The following PTGES variants were observed in gnomAD, a reference collection of about 807,000 sequenced individuals.
PTGES encodes the protein MGST1-like 1.
In PTGES, 3 loss-of-function variants were observed where a neutral mutation model predicts 11.8. That is an observed-to-expected ratio of 0.25 (90% CI 0.12 to 0.66). The LOEUF is 0.66. Ranked by LOEUF, PTGES falls within the 30% of genes least tolerant of loss-of-function variation. PTGES has a pLI of 0.82. For missense variants in PTGES, 180 were observed against 213.0 expected (o/e 0.85, Z 0.96); for synonymous variants, 94 against 90.4 (o/e 1.04, Z -0.22).
intron 2 of PTGES, among the ~76,000 whole-genome samples, chr9:129,740,499 G>C (rs188951194): frequency 6.6e-6 from 1 of 152,090 alleles, no homozygotes; most frequent in Non-Finnish European, 1.5e-5. Context: ...AACAAGATCC[G>C]CTCCCACTCA....
rs1375063698 is a variant in PTGES at position 129,739,530 on chromosome 9, G to A, written c.*81C>T. 36 of 1,484,436 alleles carry A rather than the reference G, an allele frequency of 2.4e-5. No homozygotes were observed. The highest frequency in any genetic ancestry group is 3.1e-5 in the Non-Finnish European group (35 of 1,115,724). The allele number at this position is 1,484,436 out of a possible 1,614,324, so 92.0% of individuals were successfully genotyped here. A position where few individuals can be genotyped will look rare whatever the true frequency, so the allele number is the denominator to read the frequency against. On this transcript the variant is annotated 3_prime_UTR_variant, in exon 3 of 3. Transcript: ENST00000340607. This position sits in a 1 kb window ranked among gnomAD's most constrained non-coding sequence, Gnocchi z 5.7. ...CAGGACTCAGGGCCCACCACAATCT[G>A]GAAGGAACATCAAGTCCCCAGGTAT...
At chr9:129,746,037 A>AT (rs1049554230) in intron 2 of PTGES, among the ~76,000 whole-genome samples, 18 of 151,288 alleles carry the variant, frequency 1.2e-4, no homozygotes, top group African/African-American at 3.6e-4. Context: ...TCTGTCTCAA[A>AT]AAAAAAAAAA....
intron 2 of PTGES, among the ~76,000 whole-genome samples, chr9:129,744,228 A>G (rs1833028644): frequency 6.6e-6 from 1 of 152,116 alleles, no homozygotes; most frequent in South Asian, 2.1e-4. Context: ...GCTAAAGCTC[A>G]CTTCACCCTC....
At chr9:129,742,829 G>A (rs942918944) in intron 2 of PTGES, among the ~76,000 whole-genome samples, 13 of 151,482 alleles carry the variant, frequency 8.6e-5, no homozygotes, top group East Asian at 3.9e-4. Context: ...CCAACATCGC[G>A]CCACTGCACT....
chr9:129,739,436 A>ACATACG lies in PTGES; in HGVS notation c.*174_*175insCGTATG, dbSNP rs1832970735. 5 of 853,594 alleles carry ACATACG rather than the reference A, an allele frequency of 5.9e-6. No homozygotes were observed. In the African/African-American group the frequency reaches 8.6e-5, roughly 15 times the overall value. 52.9% of individuals were successfully genotyped at this position (853,594 alleles called of 1,614,324 possible). A position where few individuals can be genotyped will look rare whatever the true frequency, so the allele number is the denominator to read the frequency against. On this transcript the variant is annotated 3_prime_UTR_variant, in exon 3 of 3. Transcript: ENST00000340607. This position sits in a 1 kb window ranked among gnomAD's most constrained non-coding sequence, Gnocchi z 5.7. ...CTAAGAAACATACACACACACATACACACACACGGGCACACACACAGGCCC... is the reference window on the plus strand; with the variant it reads ...CTAAGAAACATACACACACACATACACATACGCACACACGGGCACACACACAGGCCC...
intron 2 of PTGES, among the ~76,000 whole-genome samples, chr9:129,746,127 T>G (rs1001662274): frequency 3.3e-5 from 5 of 151,578 alleles, no homozygotes; most frequent in Admixed American, 6.6e-5. Context: ...CCAGTAAAAA[T>G]AAACCAAGTA....
At chr9:129,740,580 G>T (rs1160339914) in intron 2 of PTGES, among the ~76,000 whole-genome samples, 1 of 152,160 alleles carries the variant, frequency 6.6e-6, no homozygotes, top group Non-Finnish European at 1.5e-5. Context: ...CTCTTTTTCT[G>T]TTGAAAGGAA....
rs200024254 is a variant in PTGES at position 129,738,420 on chromosome 9, C to T, written c.*1191G>A. 2.4e-5 allele frequency: 3 copies of T among 122,796 alleles called. No homozygotes were observed. Among genetic ancestry groups the T allele is most frequent in the Non-Finnish European group, 5.1e-5 (3 of 58,778 alleles). The allele number at this position is 122,796 out of a possible 1,614,324, so 7.6% of individuals were successfully genotyped here. A position where few individuals can be genotyped will look rare whatever the true frequency, so the allele number is the denominator to read the frequency against. On this transcript the variant is annotated 3_prime_UTR_variant, in exon 3 of 3. Transcript: ENST00000340607. The surrounding 1 kb of genome is among the most constrained non-coding windows in gnomAD (Gnocchi z 4.2). ...ACGGGTCTAGGAGAAAACACACACA[C>T]ACACACACACACACACACACACACA...
chr9:129,743,830 A>C (rs1270109626), intron 2 of PTGES, among the ~76,000 whole-genome samples: 1 of 152,130 alleles, frequency 6.6e-6, no homozygotes, highest in Non-Finnish European at 1.5e-5. Flanking sequence ...AAGTGCTTAC[A>C]ACACTCCTGG....
rs1205670857 is a variant in PTGES, at chr9:129,739,784, G to C, written c.286C>G (p.Pro96Ala). ...AGGAAGTGCATCCAGGCGACAAAAG[G>C]GTTAGGACCCAGAAAGGAGTAGACG... ...GFVYSFLGPN[P>A]FVAWMHFLVF... Residue 96 changes from proline (P) to alanine (A), a missense_variant, in exon 3 of 3, where the codon CCT becomes GCT. Physicochemically the swap from Pro to Ala is conservative, Grantham distance 27. Coordinates refer to ENST00000340607, the MANE Select transcript of PTGES (RefSeq NM_004878.5). This position sits in a 1 kb window ranked among gnomAD's most constrained non-coding sequence, Gnocchi z 5.7. 2.5e-6 allele frequency: 4 copies of C among 1,577,492 alleles called. No homozygotes were observed. The African/African-American group carries it at 5.4e-5, about 21-fold the overall frequency.
chr9:129,738,627 C>T lies in PTGES; in HGVS notation c.*984G>A, dbSNP rs574731851. On this transcript the variant is annotated 3_prime_UTR_variant, in exon 3 of 3. Coordinates refer to ENST00000340607, the MANE Select transcript of PTGES (RefSeq NM_004878.5). The surrounding 1 kb of genome is among the most constrained non-coding windows in gnomAD (Gnocchi z 4.2). ...AAGGCTGAGCTTCCTGTGGGCCCCT[C>T]CCACCCACACCTGAGCCAGAGAGAA... 2 of 152,444 alleles carry T rather than the reference C, an allele frequency of 1.3e-5. No individual in the cohort carries two copies. The highest frequency in any genetic ancestry group is 4.8e-5 in the African/African-American group (2 of 41,578). 9.4% of individuals were successfully genotyped at this position (152,444 alleles called of 1,614,324 possible). A position where few individuals can be genotyped will look rare whatever the true frequency, so the allele number is the denominator to read the frequency against.
intron 2 of PTGES, among the ~76,000 whole-genome samples, chr9:129,742,163 C>CA (rs60701418): frequency 0.082 from 11,561 of 140,752 alleles, 515 homozygotes; most frequent in East Asian, 0.19. Flanking sequence ...ACTAAAAGTA[C>CA]AAAAAAAAAA....
In PTGES at chr9:129,739,948, T is replaced by C; in HGVS notation, c.210-88A>G. On this transcript the variant is annotated intron_variant, in intron 2 of 2. Coordinates refer to ENST00000340607, the MANE Select transcript of PTGES (RefSeq NM_004878.5). This position sits in a 1 kb window ranked among gnomAD's most constrained non-coding sequence, Gnocchi z 5.7. ...GAGTGTCATGGAAGCTGGGGGTGCTTTGACCCACTGGGGGTCATTTCAGGC... is the reference window on the plus strand; with the variant it reads ...GAGTGTCATGGAAGCTGGGGGTGCTCTGACCCACTGGGGGTCATTTCAGGC... 6.8e-7 allele frequency: 1 copy of C among 1,459,930 alleles called. No homozygotes were observed. Among genetic ancestry groups the C allele is most frequent in the Non-Finnish European group, 9.2e-7 (1 of 1,091,364 alleles). 90.4% of individuals were successfully genotyped at this position (1,459,930 alleles called of 1,614,324 possible).
chr9:129,740,912 T>G (rs762300819), intron 2 of PTGES, among the ~76,000 whole-genome samples: 1 of 152,250 alleles, frequency 6.6e-6, no homozygotes, highest in Non-Finnish European at 1.5e-5. Context: ...CGGGCCTTCC[T>G]GCTGACATAC....
intron 2 of PTGES, among the ~76,000 whole-genome samples, chr9:129,743,609 G>T (rs1306956446): frequency 2.0e-5 from 3 of 152,158 alleles, no homozygotes. Context: ...GCTCCACAGG[G>T]TCTCCTCTTC....
At chr9:129,752,491 C>T (rs1262420950) in intron 1 of PTGES, among the ~76,000 whole-genome samples, 4 of 152,236 alleles carry the variant, frequency 2.6e-5, no homozygotes, top group Non-Finnish European at 5.9e-5. Context: ...TTAAACGTTT[C>T]TCGGACTCCT....
chr9:129,750,433 G>A (rs1833091715), intron 1 of PTGES, among the ~76,000 whole-genome samples: 1 of 152,156 alleles, frequency 6.6e-6, no homozygotes, highest in Non-Finnish European at 1.5e-5. Context: ...AACACCGAAG[G>A]CTCTGTCCGT....
Position 129,738,410 on chromosome 9 carries a change from A to AACACACACACACACACACACACAC in PTGES, c.*1177_*1200dup, listed in dbSNP as rs71385459. 5 of 138,414 alleles carry AACACACACACACACACACACACAC rather than the reference A, an allele frequency of 3.6e-5. No homozygotes were observed. Among genetic ancestry groups the AACACACACACACACACACACACAC allele is most frequent in the African/African-American group, 1.1e-4 (4 of 37,096 alleles). 8.6% of individuals were successfully genotyped at this position (138,414 alleles called of 1,614,324 possible). A position where few individuals can be genotyped will look rare whatever the true frequency, so the allele number is the denominator to read the frequency against. ...ATCTCAGGTCACGGGTCTAGGAGAA[A>AACACACACACACACACACACACAC]ACACACACACACACACACACACACA... is the stretch of plus-strand genomic sequence containing the variant. On this transcript the variant is annotated 3_prime_UTR_variant, in exon 3 of 3. Transcript: ENST00000340607. This position sits in a 1 kb window ranked among gnomAD's most constrained non-coding sequence, Gnocchi z 4.2.
Position 129,752,746 on chromosome 9 carries a change from C to G in PTGES, c.126+141G>C, listed in dbSNP as rs902004948. The G allele has an allele frequency of 5.4e-6, 7 of 1,296,510 alleles. No individual in the cohort carries two copies. In the South Asian group the frequency reaches 6.4e-5, roughly 12 times the overall value. 80.3% of individuals were successfully genotyped at this position (1,296,510 alleles called of 1,614,324 possible). Reference sequence around the variant, plus strand: ...CTGACACGTGGGACTGGCAGGAAGCCCCCCGGCGGGGCTGGAAGAGGTGCT... The same window carrying G: ...CTGACACGTGGGACTGGCAGGAAGCGCCCCGGCGGGGCTGGAAGAGGTGCT... On this transcript the variant is annotated intron_variant, in intron 1 of 2. Coordinates refer to ENST00000340607, the MANE Select transcript of PTGES (RefSeq NM_004878.5).
Sources: gnomAD v4.1 joint callset for allele counts (sites outside exome capture counted in the v4.1 genomes callset) on GRCh38, gnomAD v4.1.1 for gene constraint, Gnocchi (gnomAD v3.1) non-coding constraint, MANE v1.5 for transcripts, NCBI Gene and HGNC (gene_info 2026-07-23, HGNC 2026-07-21) for gene names.